The following SPAG16 variants were observed in gnomAD, a reference collection of about 807,000 sequenced individuals.
SPAG16 encodes the protein sperm associated antigen 16, also known as sperm-associated antigen 16 protein.
In SPAG16, 86 loss-of-function variants were observed where a neutral mutation model predicts 80.4. That is an observed-to-expected ratio of 1.07 (90% CI 0.90 to 1.28). The LOEUF (loss-of-function observed/expected upper bound fraction) is 1.28, where lower values mean the gene tolerates loss of function less well. Ranked by LOEUF, SPAG16 falls within the 50% of genes most tolerant of loss-of-function variation. The pLI, the probability that SPAG16 is intolerant of heterozygous loss-of-function variation, is 0.00. For synonymous variants in SPAG16, 294 were observed against 265.9 expected, an observed-to-expected ratio of 1.11 and a Z score of -1.03; for missense variants, 870 against 765.3, an observed-to-expected ratio of 1.14 and a Z score of -1.61.
chr2:213,376,789 A>G (rs945005466), intron 9 of SPAG16, among the ~76,000 whole-genome samples: 4 of 152,160 alleles, frequency 2.6e-5, no homozygotes, highest in Non-Finnish European at 4.4e-5. Context: ...CTAACATTTA[A>G]TCCCATAAAC....
chr2:214,006,294 C>G (rs2047023069), intron 12 of SPAG16, among the ~76,000 whole-genome samples: 2 of 151,920 alleles, frequency 1.3e-5, no homozygotes, highest in African/African-American at 4.8e-5. Flanking sequence ...AAATAAAAAC[C>G]CTAAAATTTA....
intron 10 of SPAG16, among the ~76,000 whole-genome samples, chr2:213,652,938 T>TATC (rs1343375114): frequency 6.6e-6 from 1 of 152,196 alleles, no homozygotes; most frequent in Non-Finnish European, 1.5e-5. Context: ...TCCCAAAGAT[T>TATC]ATCTCCCGTG....
At chr2:214,368,971 C>G (rs555684448) in intron 15 of SPAG16, among the ~76,000 whole-genome samples, 18 of 152,124 alleles carry the variant, frequency 1.2e-4, no homozygotes, top group African/African-American at 4.3e-4. Flanking sequence ...TTCAACTTCG[C>G]CCTTTTGGAT....
chr2:214,216,063 C>T (rs1335593622), intron 15 of SPAG16, among the ~76,000 whole-genome samples: 1 of 152,126 alleles, frequency 6.6e-6, no homozygotes, highest in Non-Finnish European at 1.5e-5. Flanking sequence ...ATTTGAAATT[C>T]ATGCCTCAGG....
chr2:213,468,448 TAG>T (rs2072843666), intron 9 of SPAG16, among the ~76,000 whole-genome samples: 1 of 135,608 alleles, frequency 7.4e-6, no homozygotes, highest in Non-Finnish European at 1.5e-5. Context: ...TATTTATATA[TAG>T]ATATATATAT....
chr2:214,397,815 G>T (rs566831270), intron 15 of SPAG16, among the ~76,000 whole-genome samples: 1 of 152,260 alleles, frequency 6.6e-6, no homozygotes, highest in African/African-American at 2.4e-5. Context: ...GCAAAAATTG[G>T]CTCTGAATTG....
intron 11 of SPAG16, among the ~76,000 whole-genome samples, chr2:213,913,586 T>C (rs576441860): frequency 2.3e-4 from 2 of 8,522 alleles, no homozygotes; most frequent in Non-Finnish European, 5.2e-4. Context: ...TATGTACATG[T>C]ACATATATGT....
intron 6 of SPAG16, among the ~76,000 whole-genome samples, chr2:213,340,581 G>GA (rs1484213116): frequency 6.6e-6 from 1 of 152,128 alleles, no homozygotes; most frequent in Non-Finnish European, 1.5e-5. Flanking sequence ...TCAAGTATGA[G>GA]TAAGAGTAGA....
intron 15 of SPAG16, among the ~76,000 whole-genome samples, chr2:214,234,266 A>G (rs1688920229): frequency 6.6e-6 from 1 of 151,864 alleles, no homozygotes; most frequent in Non-Finnish European, 1.5e-5. Context: ...TATGTACCAC[A>G]TTTTCTTTAT....
chr2:213,620,315 C>T (rs1374151043), intron 10 of SPAG16, among the ~76,000 whole-genome samples: 4 of 88,356 alleles, frequency 4.5e-5, no homozygotes, highest in African/African-American at 1.7e-4. Flanking sequence ...TTTTTTGAGA[C>T]GGAGTCTCAC....
rs989901765 is a variant in SPAG16, at chr2:213,963,197, T to C, written c.1400+33052T>C. 2.0e-5 allele frequency among the ~76,000 whole-genome samples: 3 copies of C among 152,184 alleles called. No individual in the cohort carries two copies. The South Asian group carries it at 6.2e-4, about 32-fold the overall frequency. ...CATTCATAAACTTCTATCTGAGCAC[T>C]ACTTTAGCTGCATCCAGTAAATATT... On this transcript the variant is annotated intron_variant, in intron 12 of 15. Coordinates refer to ENST00000331683, the MANE Select transcript of SPAG16 (RefSeq NM_024532.5).
chr2:214,025,920 G>A (rs1053701685), intron 13 of SPAG16, among the ~76,000 whole-genome samples: 2 of 151,422 alleles, frequency 1.3e-5, no homozygotes, highest in Non-Finnish European at 3.0e-5. Flanking sequence ...GTAAACTTCT[G>A]TAAAAGATTT....
intron 15 of SPAG16, among the ~76,000 whole-genome samples, chr2:214,347,066 G>C (rs1698097618): frequency 2.0e-5 from 3 of 152,188 alleles, no homozygotes; most frequent in Non-Finnish European, 4.4e-5. Context: ...CATCGGTTTG[G>C]AGATGACCAG....
At chr2:213,593,746 C>CTTT (rs541949006) in intron 10 of SPAG16, among the ~76,000 whole-genome samples, 1 of 50,192 alleles carries the variant, frequency 2.0e-5, no homozygotes, top group East Asian at 7.0e-4. Flanking sequence ...CCCACCACAT[C>CTTT]TTTTTTTTTT....
rs140089144 is a variant in SPAG16, at chr2:213,703,098, C to T, written c.1071-159387C>T. On this transcript the variant is annotated intron_variant, in intron 10 of 15. Transcript: ENST00000331683. ...TGGTCAGTACACACTTTGCCATTCT[C>T]TTTTTCCCTCTCCTGTGATAATAGA... is the stretch of plus-strand genomic sequence containing the variant. Among the ~76,000 whole-genome samples the T allele has an allele frequency of 2.7e-4, 41 of 152,304 alleles. No homozygotes were observed. The South Asian group carries it at 8.1e-3, about 30-fold the overall frequency.
intron 9 of SPAG16, among the ~76,000 whole-genome samples, chr2:213,395,226 A>AT (rs1392478137): frequency 1.3e-5 from 2 of 151,258 alleles, no homozygotes; most frequent in African/African-American, 2.4e-5. Context: ...AATTTCATTG[A>AT]TTTTTGCTTT....
chr2:214,299,296 G>GC (rs1694378590), intron 15 of SPAG16, among the ~76,000 whole-genome samples: 1 of 132,894 alleles, frequency 7.5e-6, no homozygotes, highest in Non-Finnish European at 1.5e-5. Context: ...TGTCACCCAG[G>GC]CTGGAGTGCA....
intron 10 of SPAG16, among the ~76,000 whole-genome samples, chr2:213,608,480 A>G (rs2061338965): frequency 6.6e-6 from 1 of 152,180 alleles, no homozygotes; most frequent in Admixed American, 6.5e-5. Context: ...AGCTTCATCC[A>G]TGTCCCTACA....
chr2:213,834,615 G>A (rs1004047920), intron 10 of SPAG16, among the ~76,000 whole-genome samples: 1 of 152,064 alleles, frequency 6.6e-6, no homozygotes, highest in Non-Finnish European at 1.5e-5. Flanking sequence ...TGGGAGGGGA[G>A]TTCTAGTTTC....
Sources: allele counts gnomAD v4.1 joint callset (sites outside exome capture counted in the v4.1 genomes callset), GRCh38; gene constraint gnomAD v4.1.1; transcripts MANE v1.5; gene names NCBI Gene and HGNC (gene_info 2026-07-23, HGNC 2026-07-21).